The following VPS13A variants were observed in gnomAD, a reference collection of about 807,000 sequenced individuals.
VPS13A encodes the protein vacuolar protein sorting 13 homolog A.
In VPS13A, 264 loss-of-function variants were observed where a neutral mutation model predicts 390.9. The ratio of observed to expected loss-of-function variants is 0.68; its 90% confidence interval spans 0.61 to 0.75. VPS13A has a LOEUF of 0.75. Ranked by LOEUF, VPS13A falls within the 30% of genes least tolerant of loss-of-function variation. The probability of loss-of-function intolerance (pLI) is 0.00; values close to 1 mark genes in which losing one functional copy is unlikely to be tolerated. For synonymous variants in VPS13A, 1,231 were observed against 1,227.1 expected, an observed-to-expected ratio of 1.00 and a Z score of -0.07; for missense variants, 3,409 against 3,733.9, an observed-to-expected ratio of 0.91 and a Z score of 2.27.
chr9:77,253,460 C>T (rs1319265472), intron 22 of VPS13A, among the ~76,000 whole-genome samples: 2 of 152,006 alleles, frequency 1.3e-5, no homozygotes, highest in Non-Finnish European at 2.9e-5. Context: ...CGCATGCCAC[C>T]ACGCCCAGCT....
Position 77,332,032 on chromosome 9 carries a change from C to T in VPS13A, c.6014C>T (p.Pro2005Leu). The change falls in exon 46 of 72, where the codon CCA (proline) becomes CTA (leucine). Residue 2005 changes from proline (P) to leucine (L), a missense_variant. Physicochemically the swap from Pro to Leu is moderately conservative, Grantham distance 98. Coordinates refer to ENST00000360280, the MANE Select transcript of VPS13A (RefSeq NM_033305.3). The part of the protein sequence containing the change: ...PVQIRNHFSV[P>L]LSVYEGDTLL... ...CAGATAAGAAATCATTTTTCAGTCC[C>T]ACTGTCTGTTTACGAAGGGGATACC... is the stretch of plus-strand genomic sequence containing the variant. The T allele has an allele frequency of 1.2e-6, 2 of 1,610,314 alleles. No individual in the cohort carries two copies. Among genetic ancestry groups the T allele is most frequent in the Admixed American group, 1.7e-5 (1 of 59,954 alleles).
intron 17 of VPS13A, among the ~76,000 whole-genome samples, chr9:77,237,481 C>T (rs1238445168): frequency 6.6e-6 from 1 of 152,104 alleles, no homozygotes; most frequent in African/African-American, 2.4e-5. Context: ...TTTCCTGCCT[C>T]AGCCTCCCGA....
At chr9:77,308,133 C>T (rs773287606) in intron 35 of VPS13A, 35 bp downstream of exon 35, 5 of 1,607,348 alleles carry the variant, frequency 3.1e-6, no homozygotes, top group Non-Finnish European at 2.6e-6. Flanking sequence ...TTCTGCTTTC[C>T]TCTTTCTCTC....
At position 77,316,368 on chromosome 9, in the gene VPS13A, C is replaced by T; in HGVS notation, c.4825C>T (p.Pro1609Ser). Reference sequence around the variant, plus strand: ...TAAAGATCTCCAAGTGAGAGCCTGCCCGTTTCTTCCAGTCAAGAGAAAAGG... The same window carrying T: ...TAAAGATCTCCAAGTGAGAGCCTGCTCGTTTCTTCCAGTCAAGAGAAAAGG... ...AIKDLQVRAC[P>S]FLPVKRKGKI... Residue 1609 changes from proline (P) to serine (S), a missense_variant, in exon 39 of 72, where the codon CCG (proline) becomes TCG (serine). Around this residue, in one of 5 missense-constraint regions of VPS13A, gnomAD observed 2,717 missense variants for 2,917.4 expected, o/e 0.93. Transcript: ENST00000360280. The T allele has an allele frequency of 6.2e-7, 1 of 1,612,992 alleles. No homozygotes were observed. Among genetic ancestry groups the T allele is most frequent in the South Asian group, 1.1e-5 (1 of 91,042 alleles).
At chr9:77,252,832 T>C (rs1317330443) in intron 22 of VPS13A, among the ~76,000 whole-genome samples, 2 of 152,228 alleles carry the variant, frequency 1.3e-5, no homozygotes, top group African/African-American at 4.8e-5. Context: ...TCATGTATTT[T>C]TAAGGCTGAT....
At chr9:77,368,717 A>T (rs1049984558) in intron 62 of VPS13A, among the ~76,000 whole-genome samples, 2 of 152,218 alleles carry the variant, frequency 1.3e-5, no homozygotes, top group African/African-American at 2.4e-5. Context: ...GGTGGTGGTA[A>T]TGACAGTGGT....
At chr9:77,281,167 GT>G (rs1827002701) in intron 27 of VPS13A, among the ~76,000 whole-genome samples, 1 of 152,020 alleles carries the variant, frequency 6.6e-6, no homozygotes, top group Non-Finnish European at 1.5e-5. Flanking sequence ...ATAGAGAGTT[GT>G]CAATCAAATG....
intron 52 of VPS13A, among the ~76,000 whole-genome samples, chr9:77,350,349 C>G (rs1831384051): frequency 6.6e-6 from 1 of 152,072 alleles, no homozygotes; most frequent in Non-Finnish European, 1.5e-5. Context: ...AAAAAAATGA[C>G]TTTCTTAAAC....
At chr9:77,359,574 T>A (rs1182085268) in intron 58 of VPS13A, among the ~76,000 whole-genome samples, 172 bp downstream of exon 58, 2 of 152,174 alleles carry the variant, frequency 1.3e-5, no homozygotes, top group Non-Finnish European at 2.9e-5. Flanking sequence ...TGCCAGCACT[T>A]TGGGAGACCT....
intron 1 of VPS13A, among the ~76,000 whole-genome samples, chr9:77,187,358 A>G (rs1191513681): frequency 1.3e-5 from 2 of 152,198 alleles, no homozygotes; most frequent in East Asian, 1.9e-4. Context: ...AACAGTGTAC[A>G]AAGGTCACCA....
At chr9:77,300,511 TGCTTG>T (rs1401563622) in intron 33 of VPS13A, among the ~76,000 whole-genome samples, 1 of 152,226 alleles carries the variant, frequency 6.6e-6, no homozygotes, top group East Asian at 1.9e-4. Context: ...GATGGCAGAT[TGCTTG>T]AGCTCAGGAG....
chr9:77,321,856 T>A (rs1383885937), intron 44 of VPS13A, 110 bp downstream of exon 44: 1 of 1,383,580 alleles, frequency 7.2e-7, no homozygotes, highest in African/African-American at 1.5e-5. Flanking sequence ...GTTTTTGTTT[T>A]TGTTTTTTTA....
intron 23 of VPS13A, among the ~76,000 whole-genome samples, chr9:77,270,704 A>C (rs1039773935): frequency 7.2e-5 from 11 of 152,118 alleles, no homozygotes; most frequent in African/African-American, 2.4e-4. Flanking sequence ...AACAAAAAAA[A>C]AATTGTACAA....
rs146607853 is a variant in VPS13A at position 77,418,300 on chromosome 9, C to T, written c.*2294C>T. On this transcript the variant is annotated 3_prime_UTR_variant, in exon 72 of 72. Coordinates refer to ENST00000360280, the MANE Select transcript of VPS13A (RefSeq NM_033305.3). ...GCCCCTTCCATGTATTATTTGCTAA[C>T]TAACTATATTACTAGGCCCTTAATT... 52 of 152,192 alleles carry T rather than the reference C, an allele frequency of 3.4e-4. 1 individual carries two copies. Among genetic ancestry groups the T allele is most frequent in the African/African-American group, 1.2e-3 (51 of 41,544 alleles). 9.4% of individuals were successfully genotyped at this position (152,192 alleles called of 1,614,324 possible).
intron 1 of VPS13A, among the ~76,000 whole-genome samples, chr9:77,194,934 A>G (rs1452899693): frequency 6.6e-6 from 1 of 151,960 alleles, no homozygotes; most frequent in African/African-American, 2.4e-5. Flanking sequence ...TGTTCACTGT[A>G]TATAGTGTCA....
intron 59 of VPS13A, among the ~76,000 whole-genome samples, chr9:77,361,868 T>C (rs1248910877): frequency 2.0e-5 from 3 of 152,030 alleles, no homozygotes; most frequent in Non-Finnish European, 4.4e-5. Flanking sequence ...TAGTTTGTCA[T>C]TGTGGTTTTG....
At position 77,353,522 on chromosome 9, in the gene VPS13A, A is replaced by G. The variant is rs1355859812; in HGVS notation, c.7533A>G (p.Thr2511=). 6.2e-7 allele frequency: 1 copy of G among 1,613,528 alleles called. No homozygotes were observed. Among genetic ancestry groups the G allele is most frequent in the Non-Finnish European group, 8.5e-7 (1 of 1,179,644 alleles). ...FTEDPRVFKV[T]YESEKAELAE... is the part of the protein sequence containing the mutation. The stretch of plus-strand genomic sequence containing the variant: ...AAGATCCAAGGGTATTTAAAGTAAC[A>G]TATGAAAGTGAGAAAGCAGAGTTAG... The change falls in exon 54 of 72, where the codon ACA becomes ACG. Residue 2511 remains threonine (T), a synonymous_variant. Transcript: ENST00000360280.
intron 23 of VPS13A, 21 bp from the exon 24 acceptor site, chr9:77,273,259 A>T: frequency 6.3e-7 from 1 of 1,581,686 alleles, no homozygotes; most frequent in Non-Finnish European, 8.7e-7. Context: ...GCTAATCAAC[A>T]TTGAATTACT....
At position 77,339,497 on chromosome 9, in the gene VPS13A, T is replaced by G. The variant is rs766881111; in HGVS notation, c.6379-19T>G. The G allele has an allele frequency of 4.4e-5, 67 of 1,515,416 alleles. No individual in the cohort carries two copies. The highest frequency in any genetic ancestry group is 4.4e-4 in the Admixed American group (20 of 45,296). The allele number at this position is 1,515,416 out of a possible 1,614,324, so 93.9% of individuals were successfully genotyped here. A position where few individuals can be genotyped will look rare whatever the true frequency, so the allele number is the denominator to read the frequency against. On this transcript the variant is annotated intron_variant, in intron 47 of 71. Coordinates refer to ENST00000360280, the MANE Select transcript of VPS13A (RefSeq NM_033305.3). ...GCAACATTTTAAATTTTGTTTTGTTTTTTTTTTTTTTATTACAGGGAATTG... is the reference window on the plus strand; with the variant it reads ...GCAACATTTTAAATTTTGTTTTGTTGTTTTTTTTTTTATTACAGGGAATTG...
Sources: gnomAD v4.1 joint callset for allele counts (sites outside exome capture counted in the v4.1 genomes callset) on GRCh38, gnomAD v4.1.1 for gene constraint, gnomAD v4.1.1 regional missense constraint, MANE v1.5 for transcripts, NCBI Gene and HGNC (gene_info 2026-07-23, HGNC 2026-07-21) for gene names.